The following CEMIP2 variants were observed in gnomAD, a reference collection of about 807,000 sequenced individuals.
CEMIP2 encodes cell surface hyaluronidase CEMIP2.
In CEMIP2, 79 loss-of-function variants were observed where a neutral mutation model predicts 146.9. The observed-to-expected ratio is 0.54, with a 90% CI of 0.45 to 0.65. The LOEUF (loss-of-function observed/expected upper bound fraction) is 0.65. Among genes scored for constraint, CEMIP2 ranks in the 30% least tolerant of loss-of-function variants. The pLI, the probability that CEMIP2 is intolerant of heterozygous loss-of-function variation, is 0.00. For synonymous variants in CEMIP2, 601 were observed against 606.3 expected (o/e 0.99, Z 0.13); for missense variants, 1,596 against 1,696.2 (o/e 0.94, Z 1.04).
At chr9:71,743,924 G>C (rs1215113311) in intron 4 of CEMIP2, among the ~76,000 whole-genome samples, 1 of 151,856 alleles carries the variant, frequency 6.6e-6, no homozygotes, top group Admixed American at 6.6e-5. Flanking sequence ...ACGGCATGTC[G>C]GTTTTGAGGT....
In CEMIP2 at chr9:71,715,216, T is replaced by A. The variant is rs1823012496; in HGVS notation, c.2436-127A>T. 19 of 790,250 alleles carry A rather than the reference T, an allele frequency of 2.4e-5. No homozygotes were observed. The South Asian group carries it at 3.7e-4, about 15-fold the overall frequency. 49.0% of individuals were successfully genotyped at this position (790,250 alleles called of 1,614,324 possible). A position where few individuals can be genotyped will look rare whatever the true frequency, so the allele number is the denominator to read the frequency against. On this transcript the variant is annotated intron_variant, in intron 14 of 23. Transcript: ENST00000377044. The stretch of plus-strand genomic sequence containing the variant: ...AAGTCAATAGCTTTTCTAATACACA[T>A]TCACAAGTCTTCAGAAACTGCTTTT...
rs188966374 is a variant in CEMIP2, at chr9:71,760,448, T to C, written c.-13+7909A>G. 1.6e-3 allele frequency among the ~76,000 whole-genome samples: 236 copies of C among 151,960 alleles called. 8 individuals carry two copies. The highest frequency in any genetic ancestry group is 3.0e-3 in the Non-Finnish European group (202 of 67,898). ...ATGACTTTAAAGAAATATTTAAAATTCATTCCTATGTTTCTGTCATTTATG... is the reference window on the plus strand; with the variant it reads ...ATGACTTTAAAGAAATATTTAAAATCCATTCCTATGTTTCTGTCATTTATG... On this transcript the variant is annotated intron_variant, in intron 1 of 23. Coordinates refer to ENST00000377044, the MANE Select transcript of CEMIP2 (RefSeq NM_013390.3).
At chr9:71,686,897 TTAAG>T (rs1822077760) in intron 22 of CEMIP2, 1 of 152,154 alleles carries the variant, frequency 6.6e-6, no homozygotes, top group African/African-American at 2.4e-5. Context: ...CTCTATTTAT[TTAAG>T]TTCTATTATC....
chr9:71,730,308 A>C (rs1204274320), intron 8 of CEMIP2, 55 bp from the exon 9 acceptor site: 21 of 1,550,398 alleles, frequency 1.4e-5, no homozygotes, highest in Non-Finnish European at 1.9e-5. Flanking sequence ...TTGTGATTTA[A>C]GTGACAAGCG....
chr9:71,727,511 T>C lies in CEMIP2; in HGVS notation c.2050-1802A>G, dbSNP rs1254879787. Among the ~76,000 whole-genome samples the C allele has an allele frequency of 3.3e-5, 5 of 152,360 alleles. 1 individual carries two copies. The highest frequency in any genetic ancestry group is 4.1e-4 in the South Asian group (2 of 4,832). On this transcript the variant is annotated intron_variant, in intron 10 of 23. Coordinates refer to ENST00000377044, the MANE Select transcript of CEMIP2 (RefSeq NM_013390.3). ...ACAGGGACCTTCAGATTATGTGTTA[T>C]GTTTTTAAAGAAAATAACAGATATG... is the stretch of plus-strand genomic sequence containing the variant.
In CEMIP2 at chr9:71,684,133, G is replaced by C. The variant is rs1296115296; in HGVS notation, c.*1064C>G. 1 of 152,198 alleles carries C rather than the reference G, an allele frequency of 6.6e-6. No individual in the cohort carries two copies. The highest frequency in any genetic ancestry group is 1.5e-5 in the Non-Finnish European group (1 of 68,044). 9.4% of individuals were successfully genotyped at this position (152,198 alleles called of 1,614,324 possible). A position where few individuals can be genotyped will look rare whatever the true frequency, so the allele number is the denominator to read the frequency against. ...CAAGGCTTTAAAGAGGTTCATTTCT[G>C]AGTATTCTCTCCACGATTCTGACCC... On this transcript the variant is annotated 3_prime_UTR_variant, in exon 24 of 24. Coordinates refer to ENST00000377044, the MANE Select transcript of CEMIP2 (RefSeq NM_013390.3).
At chr9:71,732,639 G>A in intron 6 of CEMIP2, 119 bp from the exon 7 acceptor site, 1 of 797,360 alleles carries the variant, frequency 1.3e-6, no homozygotes, top group Non-Finnish European at 1.7e-6. Flanking sequence ...CTTATCATCT[G>A]CTCCCATTCT....
chr9:71,729,984 A>T, intron 9 of CEMIP2, 64 bp downstream of exon 9: 1 of 1,612,902 alleles, frequency 6.2e-7, no homozygotes, highest in Non-Finnish European at 8.5e-7. Context: ...AACTTCCCCC[A>T]AAACCTCTTC....
intron 18 of CEMIP2, among the ~76,000 whole-genome samples, chr9:71,703,372 G>A (rs1430842299): frequency 6.6e-6 from 1 of 152,200 alleles, no homozygotes; most frequent in Non-Finnish European, 1.5e-5. Context: ...AACAGTAACA[G>A]TAATGGTAAC....
chr9:71,769,243 C>G (rs113110364), upstream of CEMIP2, among the ~76,000 whole-genome samples: 3 of 152,210 alleles, frequency 2.0e-5, no homozygotes, highest in African/African-American at 7.2e-5. Context: ...CACTGCGCCC[C>G]CAAAGTCCCC....
chr9:71,752,481 G>GAA (rs140461501), intron 1 of CEMIP2, among the ~76,000 whole-genome samples: 23 of 2,146 alleles, frequency 0.011, 1 homozygote, highest in African/African-American at 0.013. Context: ...AGGAAGGAAG[G>GAA]GGGAGGGAAG....
At chr9:71,729,316 C>T (rs1326890332) in intron 10 of CEMIP2, among the ~76,000 whole-genome samples, 2 of 151,916 alleles carry the variant, frequency 1.3e-5, no homozygotes, top group Admixed American at 1.3e-4. Context: ...TCTTATTAAA[C>T]TCATAAATAC....
At chr9:71,739,942 C>A (rs1823866393) in intron 5 of CEMIP2, 121 bp downstream of exon 5, 2 of 931,808 alleles carry the variant, frequency 2.1e-6, no homozygotes. Context: ...GTTTCAACTT[C>A]AACTAGTTGA....
intron 2 of CEMIP2, among the ~76,000 whole-genome samples, chr9:71,747,200 C>A: frequency 6.6e-6 from 1 of 151,994 alleles, no homozygotes; most frequent in African/African-American, 2.4e-5. Context: ...TTTGATCAAC[C>A]TATGGCCAAG....
Position 71,690,146 on chromosome 9 carries a change from G to A in CEMIP2, c.3797C>T (p.Pro1266Leu). Residue 1266 changes from proline (P) to leucine (L), a missense_variant, in exon 22 of 24, where the codon CCT becomes CTT. Pro to Leu is a moderately conservative substitution (Grantham distance 98). Coordinates refer to ENST00000377044, the MANE Select transcript of CEMIP2 (RefSeq NM_013390.3). ...PFRLTEKTVF[P>L]LADVSRIEEY... ...TTCAATGCGACTGACATCAGCAAGA[G>A]GAAAAACCGTTTTTTCCGTCAAGCG... The A allele has an allele frequency of 1.2e-6, 2 of 1,614,174 alleles. No homozygotes were observed. The highest frequency in any genetic ancestry group is 1.1e-5 in the South Asian group (1 of 91,076).
intron 1 of CEMIP2, among the ~76,000 whole-genome samples, chr9:71,755,904 A>G (rs1285929978): frequency 1.3e-5 from 2 of 148,788 alleles, no homozygotes; most frequent in South Asian, 2.2e-4. Context: ...GAAGGCTGCA[A>G]CAAACTGACT....
chr9:71,744,042 G>A (rs1367251541), intron 4 of CEMIP2, among the ~76,000 whole-genome samples: 2 of 152,144 alleles, frequency 1.3e-5, no homozygotes, highest in African/African-American at 4.8e-5. Context: ...ACTTCCCCTA[G>A]ACTCAGAACT....
intron 1 of CEMIP2, among the ~76,000 whole-genome samples, chr9:71,763,915 G>A (rs1040867559): frequency 6.6e-6 from 1 of 152,076 alleles, no homozygotes; most frequent in Non-Finnish European, 1.5e-5. Flanking sequence ...GCACATCCTA[G>A]GAATGCAATA....
chr9:71,734,797 G>A lies in CEMIP2; in HGVS notation c.1393+9C>T. 1 of 1,601,442 alleles carries A rather than the reference G, an allele frequency of 6.2e-7. No homozygotes were observed. Among genetic ancestry groups the A allele is most frequent in the East Asian group, 2.2e-5 (1 of 44,614 alleles). On this transcript the variant is annotated intron_variant, in intron 6 of 23. Transcript: ENST00000377044. The stretch of plus-strand genomic sequence containing the variant: ...TGTTTCCCAAGAAGTACTCTAAGCA[G>A]TTTAATACCTTTGACTTTGACCTGA...
Sources: allele counts gnomAD v4.1 joint callset (sites outside exome capture counted in the v4.1 genomes callset), GRCh38; gene constraint gnomAD v4.1.1; transcripts MANE v1.5; gene names NCBI Gene and HGNC (gene_info 2026-07-23, HGNC 2026-07-21).